Variants in REEP3 observed in about 807,000 individuals in gnomAD.
The protein encoded by REEP3 is receptor expression-enhancing protein 3.
REEP3 carries 20 observed loss-of-function variants against 41.3 expected under a neutral mutation model. The observed-to-expected ratio is 0.48, with a 90% CI of 0.34 to 0.70. The LOEUF (loss-of-function observed/expected upper bound fraction) is 0.70, where lower values mean the gene tolerates loss of function less well. REEP3 is among the 30% of genes least tolerant of loss of function. The probability of loss-of-function intolerance (pLI) is 0.01; values close to 1 mark genes in which losing one functional copy is unlikely to be tolerated. For missense variants in REEP3, 271 were observed against 308.8 expected (o/e 0.88, Z 0.92); for synonymous variants, 104 against 101.8 (o/e 1.02, Z -0.13).
At position 63,542,978 on chromosome 10, in the gene REEP3, G is replaced by A. The variant is rs150471684; in HGVS notation, c.32+21401G>A. Among the ~76,000 whole-genome samples the A allele has an allele frequency of 3.9e-5, 6 of 152,176 alleles. No homozygotes were observed. The East Asian group carries it at 1.2e-3, about 29-fold the overall frequency. On this transcript the variant is annotated intron_variant, in intron 1 of 7. Transcript: ENST00000373758. ...GTTCTCTCCTCTAGCTATTCCTCATGCCATATTGCTGCCACGTTTCTCTAT... is the reference window on the plus strand; with the variant it reads ...GTTCTCTCCTCTAGCTATTCCTCATACCATATTGCTGCCACGTTTCTCTAT...
chr10:63,521,878 TGGGCAGGCGCTCA>T (rs1564987446), intron 1 of REEP3: 90 of 160,740 alleles, frequency 5.6e-4, no homozygotes, highest in African/African-American at 1.7e-3. Flanking sequence ...CGGCGCTGGG[TGGGCAGGCGCTCA>T]GGGCAGGCGG....
rs1956349707 is a variant in REEP3, at chr10:63,621,009, A to T, written c.*140A>T. On this transcript the variant is annotated 3_prime_UTR_variant, in exon 8 of 8. Coordinates refer to ENST00000373758, the MANE Select transcript of REEP3 (RefSeq NM_001001330.3). The stretch of plus-strand genomic sequence containing the variant: ...ATGGGGTTTACTTTCATGAATTTAA[A>T]TTGTTTTTATTTCTGTAACAATTGC... 3.8e-6 allele frequency: 2 copies of T among 523,170 alleles called. No individual in the cohort carries two copies. Among genetic ancestry groups the T allele is most frequent in the Admixed American group, 3.6e-5 (1 of 27,436 alleles). The allele number at this position is 523,170 out of a possible 1,614,324, so 32.4% of individuals were successfully genotyped here.
intron 6 of REEP3, among the ~76,000 whole-genome samples, chr10:63,615,134 A>G (rs936145442): frequency 1.3e-5 from 2 of 152,220 alleles, no homozygotes; most frequent in Non-Finnish European, 2.9e-5. Flanking sequence ...AATTTTTTAA[A>G]TGTATATACA....
chr10:63,571,487 G>A (rs1955851845), intron 2 of REEP3, among the ~76,000 whole-genome samples: 1 of 152,096 alleles, frequency 6.6e-6, no homozygotes, highest in African/African-American at 2.4e-5. Flanking sequence ...GTTGGGCTGA[G>A]ACCTCTTCAT....
intron 1 of REEP3, among the ~76,000 whole-genome samples, chr10:63,547,067 G>T (rs189305836): frequency 6.6e-6 from 1 of 151,870 alleles, no homozygotes; most frequent in African/African-American, 2.4e-5. Flanking sequence ...GATTACAGGC[G>T]CCCGCCACCA....
At position 63,599,653 on chromosome 10, in the gene REEP3, T is replaced by C; in HGVS notation, c.417+370T>C. The C allele has an allele frequency of 7.1e-6, 7 of 979,176 alleles. 1 individual carries two copies. The South Asian group carries it at 3.3e-4, about 46-fold the overall frequency. The allele number at this position is 979,176 out of a possible 1,614,324, so 60.7% of individuals were successfully genotyped here. ...CTCTTTTTTTCTGTCTCTTTGTCAA[T>C]GGCAATATCTTGGTAGGATTTCTGG... On this transcript the variant is annotated intron_variant, in intron 5 of 7. Transcript: ENST00000373758.
chr10:63,609,041 A>G (rs549033070), intron 5 of REEP3, among the ~76,000 whole-genome samples: 9 of 152,358 alleles, frequency 5.9e-5, no homozygotes, highest in African/African-American at 9.6e-5. Context: ...CTAATTGACT[A>G]TCATTTTGTA....
intron 1 of REEP3, among the ~76,000 whole-genome samples, chr10:63,561,559 G>T (rs568962641): frequency 1.3e-5 from 2 of 152,326 alleles, no homozygotes; most frequent in East Asian, 3.9e-4. Flanking sequence ...CCCCAGAGGG[G>T]CTAGCCAGCA....
intron 4 of REEP3, among the ~76,000 whole-genome samples, chr10:63,598,611 T>C (rs989552334): frequency 1.3e-4 from 19 of 150,968 alleles, no homozygotes; most frequent in African/African-American, 4.1e-4. Flanking sequence ...GGTGAAACCC[T>C]GTCTCTACTA....
At chr10:63,572,324 C>A (rs867932063) in intron 2 of REEP3, among the ~76,000 whole-genome samples, 115 of 151,102 alleles carry the variant, frequency 7.6e-4, no homozygotes, top group African/African-American at 2.8e-3. Flanking sequence ...TTTAATTATA[C>A]TTTAAGTTCT....
intron 1 of REEP3, among the ~76,000 whole-genome samples, chr10:63,533,257 T>A (rs1029858271): frequency 6.6e-6 from 1 of 152,206 alleles, no homozygotes; most frequent in African/African-American, 2.4e-5. Context: ...AAACTGACTC[T>A]TGGAGAGGCC....
At chr10:63,530,100 C>G (rs1812494367) in intron 1 of REEP3, among the ~76,000 whole-genome samples, 1 of 152,096 alleles carries the variant, frequency 6.6e-6, no homozygotes, top group Non-Finnish European at 1.5e-5. Flanking sequence ...TTATATTCAT[C>G]TTTGCTATAA....
At chr10:63,566,529 T>A (rs1159698716) in intron 2 of REEP3, 119 bp downstream of exon 2, 1 of 599,982 alleles carries the variant, frequency 1.7e-6, no homozygotes. Context: ...GTGTTATGAA[T>A]GTGAAGTAAC....
chr10:63,523,899 C>T (rs572013529), intron 1 of REEP3, among the ~76,000 whole-genome samples: 1 of 152,230 alleles, frequency 6.6e-6, no homozygotes, highest in East Asian at 1.9e-4. Flanking sequence ...AAATGATTGG[C>T]AATGGAGACC....
intron 1 of REEP3, among the ~76,000 whole-genome samples, chr10:63,550,033 A>G (rs902193998): frequency 5.3e-5 from 8 of 152,342 alleles, no homozygotes; most frequent in African/African-American, 1.9e-4. Context: ...CTGCAGGTGT[A>G]TTAGAAAGAT....
intron 2 of REEP3, among the ~76,000 whole-genome samples, chr10:63,580,468 A>G (rs1455085893): frequency 6.6e-6 from 1 of 152,196 alleles, no homozygotes; most frequent in African/African-American, 2.4e-5. Context: ...TTTGAAAAGG[A>G]AGGAAGAAAA....
chr10:63,553,255 A>C (rs1266294728), intron 1 of REEP3, among the ~76,000 whole-genome samples: 1 of 152,174 alleles, frequency 6.6e-6, no homozygotes, highest in African/African-American at 2.4e-5. Flanking sequence ...GAGATGCTGG[A>C]GGTATTAGAG....
At chr10:63,606,038 A>G in intron 5 of REEP3, 1 of 616,410 alleles carries the variant, frequency 1.6e-6, no homozygotes, top group East Asian at 1.4e-4. Context: ...TGTGTAAAAT[A>G]TTCTACAGAA....
chr10:63,541,622 A>C (rs1313762748), intron 1 of REEP3, among the ~76,000 whole-genome samples: 1 of 150,898 alleles, frequency 6.6e-6, no homozygotes, highest in Non-Finnish European at 1.5e-5. Flanking sequence ...TAACATACTT[A>C]TTCTATCCAG....
Sources: allele counts gnomAD v4.1 joint callset (sites outside exome capture counted in the v4.1 genomes callset), GRCh38; gene constraint gnomAD v4.1.1; transcripts MANE v1.5; gene names NCBI Gene and HGNC (gene_info 2026-07-23, HGNC 2026-07-21).